The following PHACTR2 variants were observed in gnomAD, a reference collection of about 807,000 sequenced individuals.
PHACTR2 encodes phosphatase and actin regulator 2.
A neutral mutation model predicts 76.0 loss-of-function variants in PHACTR2; 30 were observed. The observed-to-expected ratio is 0.39, with a 90% CI of 0.30 to 0.54. PHACTR2 has a LOEUF of 0.54. PHACTR2 is among the 20% of genes least tolerant of loss of function. The pLI is 0.61. For missense variants in PHACTR2, 696 were observed against 781.1 expected, an observed-to-expected ratio of 0.89 and a Z score of 1.30; for synonymous variants, 292 against 292.5, an observed-to-expected ratio of 1.00 and a Z score of 0.02.
At chr6:143,594,524 C>T (rs1448600403) in intron 1 of PHACTR2, among the ~76,000 whole-genome samples, 1 of 152,196 alleles carries the variant, frequency 6.6e-6, no homozygotes, top group Non-Finnish European at 1.5e-5. Context: ...GTGTTGAGAA[C>T]CAATGTAAGT....
At chr6:143,711,857 G>A (rs1402313029) in intron 1 of PHACTR2, 159 bp from the exon 2 acceptor site, 2 of 769,234 alleles carry the variant, frequency 2.6e-6, no homozygotes, top group East Asian at 2.4e-5. Context: ...TTGATATGAG[G>A]GAAGTCCTAC....
intron 1 of PHACTR2, among the ~76,000 whole-genome samples, chr6:143,655,749 T>TA (rs1300721915): frequency 6.6e-6 from 1 of 152,222 alleles, no homozygotes; most frequent in African/African-American, 2.4e-5. Flanking sequence ...CAGACTTAGT[T>TA]ATTTACTTTG....
At position 143,782,680 on chromosome 6, in the gene PHACTR2, G is replaced by A. The variant is rs142042578; in HGVS notation, c.1646-539G>A. ...GTTTGAAAGCAAAGTCCAAGGAAAT[G>A]CTTACATTCTGCTTCTATGGAAACG... is the stretch of plus-strand genomic sequence containing the variant. On this transcript the variant is annotated intron_variant, in intron 9 of 12. Transcript: ENST00000440869. The surrounding 1 kb of genome is among the most constrained non-coding windows in gnomAD (Gnocchi z 4.6). Among the ~76,000 whole-genome samples the A allele has an allele frequency of 3.0e-4, 46 of 152,246 alleles. 1 individual carries two copies. The highest frequency in any genetic ancestry group is 1.6e-3 in the Admixed American group (25 of 15,296).
rs1361552793 is a variant in PHACTR2, at chr6:143,683,655, G to C, written c.46+5446G>C. On this transcript the variant is annotated intron_variant, in intron 1 of 12. Coordinates refer to ENST00000440869, the MANE Select transcript of PHACTR2 (RefSeq NM_001100164.2). This position sits in a 1 kb window ranked among gnomAD's most constrained non-coding sequence, Gnocchi z 4.1. ...AAGTTTTGTTCAGGGCCCTGTATTT[G>C]TCTTGTCCAGAATATTTATCCATTT... 6.6e-6 allele frequency among the ~76,000 whole-genome samples: 1 copy of C among 152,172 alleles called. No homozygotes were observed. Among genetic ancestry groups the C allele is most frequent in the Non-Finnish European group, 1.5e-5 (1 of 68,022 alleles).
chr6:143,757,989 A>ACT lies in PHACTR2; in HGVS notation c.455-2412_455-2411insCT, dbSNP rs3833486. Among the ~76,000 whole-genome samples the ACT allele has an allele frequency of 7.1e-6, 1 of 141,472 alleles. No homozygotes were observed. The highest frequency in any genetic ancestry group is 1.5e-5 in the Non-Finnish European group (1 of 67,886). The allele number at this position is 141,472 out of a possible 152,430, so 92.8% of individuals were successfully genotyped here. Reference sequence around the variant, plus strand: ...CACACACACACACACACACACACACATAACTTAAGAATTACCAGAATGACA... The same window carrying ACT: ...CACACACACACACACACACACACACACTTAACTTAAGAATTACCAGAATGACA... On this transcript the variant is annotated intron_variant, in intron 4 of 12. Coordinates refer to ENST00000440869, the MANE Select transcript of PHACTR2 (RefSeq NM_001100164.2). The surrounding 1 kb of genome is among the most constrained non-coding windows in gnomAD (Gnocchi z 4.2).
intron 6 of PHACTR2, among the ~76,000 whole-genome samples, chr6:143,771,148 ATATATATATG>A (rs58365673): frequency 0.17 from 12,703 of 74,976 alleles, 1,501 homozygotes; most frequent in East Asian, 0.47. Flanking sequence ...ATATATGTAT[ATATATATATG>A]TATATATATA....
chr6:143,574,997 A>G (rs191119063), intron 1 of PHACTR2, among the ~76,000 whole-genome samples: 1 of 152,242 alleles, frequency 6.6e-6, no homozygotes, highest in Non-Finnish European at 1.5e-5. Context: ...TGACTGGCAG[A>G]TTAGATTTCT....
chr6:143,577,703 T>C (rs1490733646), intron 1 of PHACTR2, among the ~76,000 whole-genome samples: 6 of 151,694 alleles, frequency 4.0e-5, no homozygotes, highest in Non-Finnish European at 7.4e-5. Context: ...CAGTTGAAAA[T>C]GTTTGGGTAC....
rs919891409 is a variant in PHACTR2 at position 143,709,943 on chromosome 6, C to G, written c.47-2073C>G. Among the ~76,000 whole-genome samples, 1 of 152,122 alleles carries G rather than the reference C, an allele frequency of 6.6e-6. No individual in the cohort carries two copies. Among genetic ancestry groups the G allele is most frequent in the South Asian group, 2.1e-4 (1 of 4,832 alleles). On this transcript the variant is annotated intron_variant, in intron 1 of 12. Coordinates refer to ENST00000440869, the MANE Select transcript of PHACTR2 (RefSeq NM_001100164.2). The surrounding 1 kb of genome is among the most constrained non-coding windows in gnomAD (Gnocchi z 4.4). ...TCCTGCTTGGTCTTCTCTGACACCA[C>G]TCTAGTAGGGGTATTAGGGGTCCTT...
In PHACTR2 at chr6:143,625,483, A is replaced by G. The variant is rs1328673320; in HGVS notation, c.13+17161A>G. 6.6e-6 allele frequency among the ~76,000 whole-genome samples: 1 copy of G among 152,210 alleles called. No individual in the cohort carries two copies. Among genetic ancestry groups the G allele is most frequent in the Non-Finnish European group, 1.5e-5 (1 of 68,038 alleles). ...AAAATAAACTACTCACAACATCAAA[A>G]AGGATAATAAATATTATTGATAACT... On this transcript the variant is annotated intron_variant, in intron 1 of 11. Coordinates refer to the PHACTR2 transcript ENST00000305766. The surrounding 1 kb of genome is among the most constrained non-coding windows in gnomAD (Gnocchi z 4.3).
chr6:143,596,566 C>T lies in PHACTR2; in HGVS notation c.217+59359C>T, dbSNP rs899207929. 3.9e-5 allele frequency among the ~76,000 whole-genome samples: 6 copies of T among 152,174 alleles called. No homozygotes were observed. Among genetic ancestry groups the T allele is most frequent in the Admixed American group, 3.3e-4 (5 of 15,280 alleles). On this transcript the variant is annotated intron_variant, in intron 1 of 11. Transcript: ENST00000367584. The surrounding 1 kb of genome is among the most constrained non-coding windows in gnomAD (Gnocchi z 4.6). ...AGAATCACAGCCATCAGGCCGGGCA[C>T]TGTGGCTCATGCCTGTAATCCCAGC... is the stretch of plus-strand genomic sequence containing the variant.
At chr6:143,734,368 GA>G (rs1308113352) in intron 2 of PHACTR2, among the ~76,000 whole-genome samples, 1 of 152,064 alleles carries the variant, frequency 6.6e-6, no homozygotes, top group African/African-American at 2.4e-5. Flanking sequence ...GTACATTCTG[GA>G]AAAAGTGGGA....
intron 6 of PHACTR2, among the ~76,000 whole-genome samples, chr6:143,766,425 A>G (rs1308656508): frequency 6.6e-6 from 1 of 152,260 alleles, no homozygotes; most frequent in African/African-American, 2.4e-5. Flanking sequence ...AGAGTCTGAT[A>G]TGCCATAGGC....
chr6:143,572,170 T>C (rs1466010500), intron 1 of PHACTR2, among the ~76,000 whole-genome samples: 4 of 152,238 alleles, frequency 2.6e-5, no homozygotes, highest in Non-Finnish European at 5.9e-5. Flanking sequence ...TGTTTTTTGC[T>C]AAGAAATTCT....
rs749767550 is a variant in PHACTR2, at chr6:143,822,010, C to A, written c.1923-1664C>A. On this transcript the variant is annotated intron_variant, in intron 12 of 12. Coordinates refer to ENST00000440869, the MANE Select transcript of PHACTR2 (RefSeq NM_001100164.2). The surrounding 1 kb of genome is among the most constrained non-coding windows in gnomAD (Gnocchi z 5.5). ...TGTCCCCCTCTGGAGCTCCCCCCAA[C>A]CCACCCTGCAAAAAGTAGGTAGAGG... Among the ~76,000 whole-genome samples, 8 of 151,944 alleles carry A rather than the reference C, an allele frequency of 5.3e-5. No homozygotes were observed. The highest frequency in any genetic ancestry group is 8.8e-5 in the Non-Finnish European group (6 of 67,978).
At chr6:143,778,159 A>G (rs958824278) in intron 9 of PHACTR2, among the ~76,000 whole-genome samples, 1 of 152,210 alleles carries the variant, frequency 6.6e-6, no homozygotes, top group Non-Finnish European at 1.5e-5. Flanking sequence ...GTTTCAAAAG[A>G]TCTTTTTATT....
In PHACTR2 at chr6:143,777,481, T is replaced by C; in HGVS notation, c.1645+98T>C. On this transcript the variant is annotated intron_variant, in intron 9 of 12. Coordinates refer to ENST00000440869, the MANE Select transcript of PHACTR2 (RefSeq NM_001100164.2). This position sits in a 1 kb window ranked among gnomAD's most constrained non-coding sequence, Gnocchi z 4.6. ...TCAGTAAGAAACCATCATATATTCA[T>C]TTACTCAAGATGGACTGAAATAGTC... The C allele has an allele frequency of 1.8e-6, 1 of 543,564 alleles. No homozygotes were observed. Among genetic ancestry groups the C allele is most frequent in the Non-Finnish European group, 3.2e-6 (1 of 310,872 alleles). The allele number at this position is 543,564 out of a possible 1,614,324, so 33.7% of individuals were successfully genotyped here.
chr6:143,660,497 C>T (rs1336075164), intron 1 of PHACTR2, among the ~76,000 whole-genome samples: 2 of 152,266 alleles, frequency 1.3e-5, no homozygotes, highest in African/African-American at 4.8e-5. Flanking sequence ...CCACAACATA[C>T]GGGAATTGGA....
Position 143,809,676 on chromosome 6 carries a change from A to G in PHACTR2, c.1922+2543A>G, listed in dbSNP as rs1776136387. ...GTAAAAGCTTGATGTAGATCCTTTTAGATGTTTTTCCATGCATTTATAAAT... is the reference window on the plus strand; with the variant it reads ...GTAAAAGCTTGATGTAGATCCTTTTGGATGTTTTTCCATGCATTTATAAAT... On this transcript the variant is annotated intron_variant, in intron 12 of 12. Transcript: ENST00000440869. This position sits in a 1 kb window ranked among gnomAD's most constrained non-coding sequence, Gnocchi z 4.2. 6.6e-6 allele frequency among the ~76,000 whole-genome samples: 1 copy of G among 151,908 alleles called. No individual in the cohort carries two copies. Among genetic ancestry groups the G allele is most frequent in the African/African-American group, 2.4e-5 (1 of 41,344 alleles).
Sources: gnomAD v4.1 joint callset for allele counts (sites outside exome capture counted in the v4.1 genomes callset) on GRCh38, gnomAD v4.1.1 for gene constraint, Gnocchi (gnomAD v3.1) non-coding constraint, MANE v1.5 for transcripts, NCBI Gene and HGNC (gene_info 2026-07-23, HGNC 2026-07-21) for gene names.